The following EPB41L1 variants were observed in gnomAD, a reference collection of about 807,000 sequenced individuals.
The protein encoded by EPB41L1 is band 4.1-like protein 1.
Under a neutral mutation model 97.8 loss-of-function variants are expected in EPB41L1, and 29 were observed. The observed-to-expected ratio is 0.30, with a 90% CI of 0.22 to 0.40. EPB41L1 has a LOEUF of 0.40. EPB41L1 is among the 10% of genes least tolerant of loss of function. The pLI, the probability that EPB41L1 is intolerant of heterozygous loss-of-function variation, is 1.00. For synonymous variants in EPB41L1, 383 were observed against 459.2 expected (o/e 0.83, Z 2.12); for missense variants, 812 against 1,162.3 (o/e 0.70, Z 4.38).
chr20:36,107,023 C>T (rs2058213247), intron 1 of EPB41L1, among the ~76,000 whole-genome samples: 2 of 151,692 alleles, frequency 1.3e-5, no homozygotes, highest in South Asian at 4.2e-4. Flanking sequence ...GGGCTGGTCT[C>T]AAACTCCTGA....
chr20:36,226,534 T>TA (rs1371458592), intron 21 of EPB41L1, among the ~76,000 whole-genome samples: 1 of 152,156 alleles, frequency 6.6e-6, no homozygotes, highest in Non-Finnish European at 1.5e-5. Context: ...CCCAATCTGT[T>TA]AGACTCCAAA....
intron 1 of EPB41L1, chr20:36,155,815 C>T (rs1186559538): frequency 2.8e-6 from 1 of 360,772 alleles, no homozygotes; most frequent in East Asian, 7.6e-5. Flanking sequence ...CATAGCACCT[C>T]CTCTGCACCC....
chr20:36,138,424 C>T (rs985903902), intron 2 of EPB41L1, among the ~76,000 whole-genome samples: 11 of 152,066 alleles, frequency 7.2e-5, no homozygotes, highest in African/African-American at 2.4e-4. Flanking sequence ...CCACCCCGCC[C>T]GCTAATTTTT....
intron 2 of EPB41L1, among the ~76,000 whole-genome samples, chr20:36,134,767 A>G (rs1178699193): frequency 6.6e-6 from 1 of 151,994 alleles, no homozygotes; most frequent in East Asian, 1.9e-4. Flanking sequence ...AGGTAGGCAG[A>G]AGCAATGGCT....
At chr20:36,107,800 G>T (rs1449656827) in intron 1 of EPB41L1, among the ~76,000 whole-genome samples, 2 of 151,500 alleles carry the variant, frequency 1.3e-5, no homozygotes, top group African/African-American at 4.9e-5. Context: ...CTGCACTCTA[G>T]CCTGGGCGAC....
upstream of EPB41L1, among the ~76,000 whole-genome samples, chr20:36,154,482 T>G (rs1600633181): frequency 2.1e-5 from 3 of 141,566 alleles, no homozygotes. This position sits in a 1 kb window ranked among gnomAD's most constrained non-coding sequence, Gnocchi z 5.5. Flanking sequence ...CGGGAGGAGG[T>G]GGCCTGGGAG....
intron 2 of EPB41L1, chr20:36,121,553 C>G (rs2058752526): frequency 6.6e-6 from 1 of 152,240 alleles, no homozygotes; most frequent in South Asian, 2.1e-4. Flanking sequence ...AGAACAGTCC[C>G]TGGCATTTGT....
intron 21 of EPB41L1, among the ~76,000 whole-genome samples, chr20:36,225,404 T>C (rs2064066546): frequency 6.6e-6 from 1 of 152,120 alleles, no homozygotes; most frequent in Admixed American, 6.5e-5. Context: ...CTCCATAAAG[T>C]CTGATTTAGA....
intron 1 of EPB41L1, among the ~76,000 whole-genome samples, chr20:36,167,434 C>T (rs192864734): frequency 1.0e-3 from 158 of 152,144 alleles, no homozygotes; most frequent in African/African-American, 3.6e-3. Flanking sequence ...TGGCTGGGTG[C>T]AGTGGGTCAC....
At chr20:36,208,248 CA>C in intron 14 of EPB41L1, 1 of 371,988 alleles carries the variant, frequency 2.7e-6, no homozygotes, top group East Asian at 8.1e-5. Flanking sequence ...CTCTCAGTCC[CA>C]GTGCCAAGTT....
At chr20:36,108,117 T>A (rs1465193479) in intron 1 of EPB41L1, among the ~76,000 whole-genome samples, 2 of 151,834 alleles carry the variant, frequency 1.3e-5, no homozygotes, top group Non-Finnish European at 2.9e-5. Context: ...TAGCTGGGAC[T>A]TTAGGAATGT....
At chr20:36,197,599 A>G in intron 13 of EPB41L1, 2 of 983,034 alleles carry the variant, frequency 2.0e-6, no homozygotes, top group Non-Finnish European at 2.4e-6. Flanking sequence ...AGAGCCAGGC[A>G]AGGGAGAAGC....
At chr20:36,216,327 A>T (rs1260486714) in intron 17 of EPB41L1, among the ~76,000 whole-genome samples, 1 of 152,228 alleles carries the variant, frequency 6.6e-6, no homozygotes, top group Non-Finnish European at 1.5e-5. Flanking sequence ...GCAGAAGGGA[A>T]GGAGTGCAGC....
chr20:36,113,033 T>C (rs372806367), intron 2 of EPB41L1, among the ~76,000 whole-genome samples: 86 of 152,298 alleles, frequency 5.6e-4, no homozygotes, highest in African/African-American at 2.0e-3. Context: ...AGAATCTCAA[T>C]GTACAAAACA....
chr20:36,167,621 T>C (rs542836651), intron 1 of EPB41L1, among the ~76,000 whole-genome samples: 1 of 151,792 alleles, frequency 6.6e-6, no homozygotes, highest in Admixed American at 6.6e-5. Flanking sequence ...GGCAGGAGAA[T>C]TGCTTGAATC....
In EPB41L1 at chr20:36,182,224, C is replaced by A. The variant is rs759832640; in HGVS notation, c.491-48C>A. ...CCAGAGGATGGTGCATCTGGACCAC[C>A]CAGTGGGGTGTTAGGGCCTCGCTGA... On this transcript the variant is annotated intron_variant, in intron 5 of 21. Coordinates refer to ENST00000338074, the MANE Select transcript of EPB41L1 (RefSeq NM_012156.2). 3.8e-6 allele frequency: 6 copies of A among 1,564,796 alleles called. No individual in the cohort carries two copies. The South Asian group carries it at 6.7e-5, about 17-fold the overall frequency.
chr20:36,195,428 C>A lies in EPB41L1; in HGVS notation c.1485+64C>A, dbSNP rs957897847. The stretch of plus-strand genomic sequence containing the variant: ...CCATCCCTAGCTCATTTGTCACCAT[C>A]CCACAGTCCATCCCAGGCTCACTTC... On this transcript the variant is annotated intron_variant, in intron 13 of 21. Coordinates refer to ENST00000338074, the MANE Select transcript of EPB41L1 (RefSeq NM_012156.2). This position sits in a 1 kb window ranked among gnomAD's most constrained non-coding sequence, Gnocchi z 4.6. 1 of 1,578,114 alleles carries A rather than the reference C, an allele frequency of 6.3e-7. No homozygotes were observed. Among genetic ancestry groups the A allele is most frequent in the Non-Finnish European group, 8.7e-7 (1 of 1,147,572 alleles).
At chr20:36,185,859 A>T (rs546481873) in intron 7 of EPB41L1, among the ~76,000 whole-genome samples, 1 of 152,320 alleles carries the variant, frequency 6.6e-6, no homozygotes, top group Admixed American at 6.5e-5. Flanking sequence ...AATAGCACAT[A>T]TTAAAGGCAC....
intron 2 of EPB41L1, among the ~76,000 whole-genome samples, chr20:36,140,052 GTTGT>G (rs937814920): frequency 9.1e-5 from 13 of 142,832 alleles, no homozygotes; most frequent in African/African-American, 5.3e-5. Context: ...TTTTGTTGTT[GTTGT>G]TTGTTTGTTT....
Sources: allele counts gnomAD v4.1 joint callset (sites outside exome capture counted in the v4.1 genomes callset), GRCh38; gene constraint gnomAD v4.1.1; non-coding constraint Gnocchi (gnomAD v3.1); transcripts MANE v1.5; gene names NCBI Gene and HGNC (gene_info 2026-07-23, HGNC 2026-07-21).